Variants in MAGI1 observed in about 807,000 individuals in gnomAD.
MAGI1 encodes the protein membrane-associated guanylate kinase, WW and PDZ domain-containing protein 1.
In MAGI1, 58 loss-of-function variants were observed where a neutral mutation model predicts 139.9. The ratio of observed to expected loss-of-function variants is 0.41; its 90% CI spans 0.34 to 0.52. The LOEUF is 0.52. Among genes scored for constraint, MAGI1 ranks in the 20% least tolerant of loss-of-function variants. The pLI, the probability that MAGI1 is intolerant of heterozygous loss-of-function variation, is 0.12. For synonymous variants in MAGI1, 812 were observed against 737.9 expected, an observed-to-expected ratio of 1.10 and a Z score of -1.63; for missense variants, 1,874 against 1,901.6, an observed-to-expected ratio of 0.99 and a Z score of 0.27.
chr3:65,661,116 T>C (rs1370066655), intron 1 of MAGI1, among the ~76,000 whole-genome samples: 1 of 152,150 alleles, frequency 6.6e-6, no homozygotes, highest in Admixed American at 6.5e-5. Flanking sequence ...AAGCCCCCAA[T>C]GTATATTCTT....
chr3:65,471,633 C>G (rs989381471), intron 4 of MAGI1, among the ~76,000 whole-genome samples: 3 of 152,146 alleles, frequency 2.0e-5, no homozygotes, highest in Non-Finnish European at 2.9e-5. Flanking sequence ...CTCAGGTATC[C>G]TTGTGGTGCC....
chr3:65,751,850 T>A (rs920404910), intron 1 of MAGI1, among the ~76,000 whole-genome samples: 2 of 152,236 alleles, frequency 1.3e-5, no homozygotes. Flanking sequence ...TTTTAAAAAA[T>A]TTCCTTCTTT....
At chr3:65,928,253 A>C (rs1225267880) in intron 1 of MAGI1, among the ~76,000 whole-genome samples, 1 of 152,192 alleles carries the variant, frequency 6.6e-6, no homozygotes, top group Non-Finnish European at 1.5e-5. Context: ...GTGGTCACTT[A>C]ATACTGGCCG....
intron 6 of MAGI1, among the ~76,000 whole-genome samples, chr3:65,449,236 C>T (rs575664703): frequency 2.6e-5 from 4 of 152,158 alleles, no homozygotes; most frequent in Admixed American, 2.6e-4. Context: ...AACAAACCTG[C>T]ACGTTGTGCA....
intron 1 of MAGI1, among the ~76,000 whole-genome samples, chr3:65,797,200 G>GA (rs767109674): frequency 4.6e-5 from 7 of 152,292 alleles, no homozygotes; most frequent in Non-Finnish European, 1.0e-4. Flanking sequence ...GACAATGTAA[G>GA]CCATTATCCA....
intron 1 of MAGI1, chr3:65,844,001 G>A (rs769883225): frequency 1.3e-4 from 40 of 309,162 alleles, no homozygotes; most frequent in African/African-American, 2.7e-4. Context: ...AGGCCATCGA[G>A]GGTATGCAGA....
At chr3:65,891,501 T>C (rs753613388) in intron 1 of MAGI1, among the ~76,000 whole-genome samples, 3 of 151,894 alleles carry the variant, frequency 2.0e-5, no homozygotes, top group Non-Finnish European at 4.4e-5. Context: ...CCCAACAAAC[T>C]AAAATGTTAG....
rs564212886 is a variant in MAGI1, at chr3:65,805,584, C to G, written c.314-183496G>C. On this transcript the variant is annotated intron_variant, in intron 1 of 22. Coordinates refer to ENST00000402939, the MANE Select transcript of MAGI1 (RefSeq NM_001033057.2). Reference sequence around the variant, plus strand: ...ACCATTTGACCCGGCAATCCCATTACTGGGTATATACCCAGAGGAATATAA... The same window carrying G: ...ACCATTTGACCCGGCAATCCCATTAGTGGGTATATACCCAGAGGAATATAA... Among the ~76,000 whole-genome samples, 4 of 152,304 alleles carry G rather than the reference C, an allele frequency of 2.6e-5. No individual in the cohort carries two copies. In the South Asian group the frequency reaches 8.3e-4, roughly 32 times the overall value.
intron 13 of MAGI1, among the ~76,000 whole-genome samples, chr3:65,394,965 T>C (rs994413481): frequency 9.2e-5 from 14 of 152,202 alleles, no homozygotes; most frequent in African/African-American, 2.9e-4. Context: ...CAAGTAGCTG[T>C]AGTTAAAAGT....
At position 65,356,295 on chromosome 3, in the gene MAGI1, G is replaced by C; in HGVS notation, c.*83C>G. Reference sequence around the variant, plus strand: ...TCATCAGGTGTCAGATGCTTCATTAGGTAAGAAACTAAATAATTTCAGGTT... The same window carrying C: ...TCATCAGGTGTCAGATGCTTCATTACGTAAGAAACTAAATAATTTCAGGTT... On this transcript the variant is annotated 3_prime_UTR_variant, in exon 23 of 23. Transcript: ENST00000402939. The C allele has an allele frequency of 7.2e-7, 1 of 1,385,066 alleles. No individual in the cohort carries two copies. Among genetic ancestry groups the C allele is most frequent in the Non-Finnish European group, 9.6e-7 (1 of 1,038,306 alleles). The allele number at this position is 1,385,066 out of a possible 1,614,324, so 85.8% of individuals were successfully genotyped here.
intron 12 of MAGI1, among the ~76,000 whole-genome samples, chr3:65,408,902 C>T (rs1004903493): frequency 2.6e-5 from 4 of 152,190 alleles, no homozygotes; most frequent in Non-Finnish European, 4.4e-5. Flanking sequence ...CAGGGTCCTG[C>T]TTTCACAGCG....
intron 1 of MAGI1, among the ~76,000 whole-genome samples, chr3:65,857,828 G>C (rs760731656): frequency 1.3e-5 from 2 of 152,164 alleles, no homozygotes; most frequent in African/African-American, 4.8e-5. Context: ...TGGGGACACA[G>C]TGAAAACATC....
intron 1 of MAGI1, chr3:65,688,312 A>G (rs2088253327): frequency 1.3e-6 from 1 of 768,716 alleles, no homozygotes; most frequent in Non-Finnish European, 2.3e-6. Context: ...GATGCCAGAC[A>G]TCTTACTTCT....
chr3:65,431,281 A>G (rs1947433026), intron 10 of MAGI1, among the ~76,000 whole-genome samples: 1 of 152,132 alleles, frequency 6.6e-6, no homozygotes, highest in Admixed American at 6.6e-5. Flanking sequence ...ATGGCTTCTG[A>G]TGTGCTGCTT....
chr3:65,726,956 C>CAAAAAAAAAAAAAAAAAAAAACA (rs539578446), intron 1 of MAGI1, among the ~76,000 whole-genome samples: 1 of 102,194 alleles, frequency 9.8e-6, no homozygotes, highest in Non-Finnish European at 2.2e-5. Context: ...CTCCAAAATC[C>CAAAAAAAAAAAAAAAAAAAAACA]AAAAAAAAAA....
At chr3:65,578,723 C>T (rs1434786178) in intron 2 of MAGI1, among the ~76,000 whole-genome samples, 1 of 152,098 alleles carries the variant, frequency 6.6e-6, no homozygotes, top group Non-Finnish European at 1.5e-5. Flanking sequence ...AGTTCAAGAC[C>T]AGCCTGGCCA....
chr3:65,485,506 T>G (rs1057162046), intron 3 of MAGI1, among the ~76,000 whole-genome samples: 1 of 152,140 alleles, frequency 6.6e-6, no homozygotes, highest in East Asian at 1.9e-4. Context: ...CAAGATTAAA[T>G]TAGATAATGT....
rs2081248308 is a variant in MAGI1, at chr3:65,577,973, G to A, written c.430+43999C>T. Among the ~76,000 whole-genome samples the A allele has an allele frequency of 2.0e-5, 3 of 152,268 alleles. 1 individual carries two copies. The South Asian group carries it at 6.2e-4, about 32-fold the overall frequency. On this transcript the variant is annotated intron_variant, in intron 2 of 22. Transcript: ENST00000402939. ...TCTCACACACTCTCACACACGACTT[G>A]TGTAACTTGAATGAATAAATAATGT...
At chr3:65,738,348 A>C (rs1441992791) in intron 1 of MAGI1, among the ~76,000 whole-genome samples, 1 of 152,186 alleles carries the variant, frequency 6.6e-6, no homozygotes, top group Non-Finnish European at 1.5e-5. Context: ...ATTTAAAAAA[A>C]AAATTTTTTT....
Sources: gnomAD v4.1 joint callset for allele counts (sites outside exome capture counted in the v4.1 genomes callset) on GRCh38, gnomAD v4.1.1 for gene constraint, MANE v1.5 for transcripts, NCBI Gene and HGNC (gene_info 2026-07-23, HGNC 2026-07-21) for gene names.